The following PTPRO variants were observed in gnomAD, a reference collection of about 807,000 sequenced individuals.
The protein encoded by PTPRO is receptor-type tyrosine-protein phosphatase O.
PTPRO carries 62 observed loss-of-function variants against 145.2 expected under a neutral mutation model. The observed-to-expected ratio is 0.43, with a 90% CI of 0.35 to 0.53. The LOEUF is 0.53. Ranked by LOEUF, PTPRO falls within the 20% of genes least tolerant of loss-of-function variation. The pLI, the probability that PTPRO is intolerant of heterozygous loss-of-function variation, is 0.01. For synonymous variants in PTPRO, 565 were observed against 514.7 expected, an observed-to-expected ratio of 1.10 and a Z score of -1.32; for missense variants, 1,345 against 1,482.7, an observed-to-expected ratio of 0.91 and a Z score of 1.53.
intron 19 of PTPRO, among the ~76,000 whole-genome samples, chr12:15,573,892 A>G (rs187612791): frequency 1.3e-5 from 2 of 152,284 alleles, no homozygotes; most frequent in Admixed American, 1.3e-4. Flanking sequence ...AAATACATTG[A>G]TAGTTAATTG....
chr12:15,322,833 C>G lies in PTPRO; in HGVS notation c.75+32C>G. 6.3e-7 allele frequency: 1 copy of G among 1,597,338 alleles called. No individual in the cohort carries two copies. The highest frequency in any genetic ancestry group is 8.5e-7 in the Non-Finnish European group (1 of 1,171,928). ...GAGCTCCTCCACCCCTTTTTCCCAGCGGTCCGGGCGGCAGCCGCGCTCCGG... is the reference window on the plus strand; with the variant it reads ...GAGCTCCTCCACCCCTTTTTCCCAGGGGTCCGGGCGGCAGCCGCGCTCCGG... On this transcript the variant is annotated intron_variant, in intron 1 of 26. Coordinates refer to ENST00000281171, the MANE Select transcript of PTPRO (RefSeq NM_030667.3). This position sits in a 1 kb window ranked among gnomAD's most constrained non-coding sequence, Gnocchi z 6.3.
At position 15,541,810 on chromosome 12, in the gene PTPRO, G is replaced by A. The variant is rs113199151; in HGVS notation, c.2165-4759G>A. Among the ~76,000 whole-genome samples the A allele has an allele frequency of 2.7e-3, 404 of 152,214 alleles. 3 individuals are homozygous for A. The highest frequency in any genetic ancestry group is 8.9e-3 in the African/African-American group (371 of 41,528). ...GTGGATCACTTGAGGTGAGGAGTTC[G>A]ATACCAGCCTGGCCAACATGGTGAA... On this transcript the variant is annotated intron_variant, in intron 12 of 26. Coordinates refer to ENST00000281171, the MANE Select transcript of PTPRO (RefSeq NM_030667.3).
chr12:15,434,790 A>G (rs1940549720), intron 1 of PTPRO, among the ~76,000 whole-genome samples: 1 of 152,214 alleles, frequency 6.6e-6, no homozygotes. Context: ...AGCTATAGGG[A>G]TGTTCAATGA....
intron 1 of PTPRO, among the ~76,000 whole-genome samples, chr12:15,332,534 C>T (rs1289520748): frequency 3.3e-5 from 5 of 152,176 alleles, no homozygotes; most frequent in Admixed American, 6.5e-5. Flanking sequence ...ATGAACCATA[C>T]ATTTTAACAT....
intron 1 of PTPRO, chr12:15,348,396 G>A (rs1937665029): frequency 6.6e-6 from 1 of 152,164 alleles, no homozygotes; most frequent in Non-Finnish European, 1.5e-5. Context: ...TACCAGCAAG[G>A]AAATGGCGAC....
At chr12:15,565,107 C>T (rs1591743709) in intron 17 of PTPRO, among the ~76,000 whole-genome samples, 1 of 152,242 alleles carries the variant, frequency 6.6e-6, no homozygotes, top group East Asian at 1.9e-4. Context: ...AGGTACATGT[C>T]CACACTGACA....
At chr12:15,452,394 CA>C (rs1941069835) in intron 1 of PTPRO, among the ~76,000 whole-genome samples, 1 of 152,090 alleles carries the variant, frequency 6.6e-6, no homozygotes, top group Non-Finnish European at 1.5e-5. Flanking sequence ...GACGGATTCA[CA>C]GGTGAATTCT....
At chr12:15,595,117 A>G in intron 26 of PTPRO, 60 bp downstream of exon 26, 1 of 1,116,980 alleles carries the variant, frequency 9.0e-7, no homozygotes, top group South Asian at 1.3e-5. Context: ...GGGGGATGTG[A>G]TGGATGGGAC....
chr12:15,368,496 A>G (rs535929105), intron 1 of PTPRO, among the ~76,000 whole-genome samples: 7 of 152,238 alleles, frequency 4.6e-5, no homozygotes, highest in Middle Eastern at 3.4e-3. Flanking sequence ...CCTTTCTACA[A>G]TGTAGGCAAG....
chr12:15,368,031 A>T (rs568537992), intron 1 of PTPRO, among the ~76,000 whole-genome samples: 1 of 152,180 alleles, frequency 6.6e-6, no homozygotes, highest in East Asian at 1.9e-4. Context: ...AATCATCTAA[A>T]CATTTCTCAA....
At chr12:15,469,766 G>GCCA (rs1555166727) in intron 1 of PTPRO, among the ~76,000 whole-genome samples, 5 of 24,908 alleles carry the variant, frequency 2.0e-4, no homozygotes, top group Admixed American at 5.6e-4. Flanking sequence ...TTAGTGTCCT[G>GCCA]ACAAAAAAAA....
chr12:15,380,007 C>G (rs1938810350), intron 1 of PTPRO, among the ~76,000 whole-genome samples: 1 of 151,996 alleles, frequency 6.6e-6, no homozygotes, highest in Non-Finnish European at 1.5e-5. Flanking sequence ...AAATGAAGTG[C>G]TAGTTTTTAT....
chr12:15,532,582 C>T (rs1319413977), intron 12 of PTPRO, among the ~76,000 whole-genome samples: 4 of 152,184 alleles, frequency 2.6e-5, no homozygotes, highest in African/African-American at 9.6e-5. Context: ...CAAGGGGGCA[C>T]TAGTGCCCCA....
intron 19 of PTPRO, among the ~76,000 whole-genome samples, chr12:15,571,847 T>C (rs915086565): frequency 1.3e-5 from 2 of 152,114 alleles, no homozygotes; most frequent in Non-Finnish European, 1.5e-5. Flanking sequence ...TATCTCCCAA[T>C]AAAGAGAGGG....
intron 12 of PTPRO, among the ~76,000 whole-genome samples, chr12:15,529,025 T>C (rs1942903254): frequency 6.6e-6 from 1 of 152,192 alleles, no homozygotes; most frequent in Non-Finnish European, 1.5e-5. Flanking sequence ...TTCTTCAATC[T>C]GAGAGAAAAA....
chr12:15,544,163 A>G (rs1018538520), intron 12 of PTPRO, among the ~76,000 whole-genome samples: 5 of 152,022 alleles, frequency 3.3e-5, no homozygotes, highest in Admixed American at 6.6e-5. Context: ...TGATCAATGA[A>G]TGTGATCACA....
intron 1 of PTPRO, chr12:15,410,756 A>T (rs1043862995): frequency 6.6e-6 from 1 of 152,258 alleles, no homozygotes; most frequent in Non-Finnish European, 1.5e-5. Flanking sequence ...ATTGAAATTT[A>T]AGATAGCTTA....
intron 12 of PTPRO, 25 bp from the exon 13 acceptor site, chr12:15,546,544 T>G: frequency 6.4e-7 from 1 of 1,558,976 alleles, no homozygotes; most frequent in South Asian, 1.2e-5. Flanking sequence ...AATTAAATTT[T>G]TTTTAAAACT....
At chr12:15,578,776 G>T (rs752138670) in intron 19 of PTPRO, 77 bp from the exon 20 acceptor site, 1 of 1,057,434 alleles carries the variant, frequency 9.5e-7, no homozygotes, top group South Asian at 1.3e-5. Context: ...AAGGGCTTGT[G>T]AGCAATAAAC....
Sources: gnomAD v4.1 joint callset for allele counts (sites outside exome capture counted in the v4.1 genomes callset) on GRCh38, gnomAD v4.1.1 for gene constraint, Gnocchi (gnomAD v3.1) non-coding constraint, MANE v1.5 for transcripts, NCBI Gene and HGNC (gene_info 2026-07-23, HGNC 2026-07-21) for gene names.